UPF3B: variants seen among roughly 807,000 people sequenced by gnomAD.
UPF3B encodes the protein UPF3B regulator of nonsense mediated mRNA decay, also known as regulator of nonsense transcripts 3B.
A neutral mutation model predicts 40.3 loss-of-function variants in UPF3B; 7 were observed. The ratio of observed to expected loss-of-function variants is 0.17; its 90% CI spans 0.10 to 0.33. UPF3B has a LOEUF of 0.33. Ranked by LOEUF, UPF3B falls within the 10% of genes least tolerant of loss-of-function variation. The probability of loss-of-function intolerance (pLI) is 1.00; values close to 1 mark genes in which losing one functional copy is unlikely to be tolerated. For missense variants in UPF3B, 229 were observed against 358.9 expected, an observed-to-expected ratio of 0.64 and a Z score of 2.93; for synonymous variants, 117 against 117.3, an observed-to-expected ratio of 1.00 and a Z score of 0.01.
chrX:119,835,063 T>C (rs912690859), intron 10 of UPF3B, 36 bp from the exon 11 acceptor site: 13 of 1,163,156 alleles, frequency 1.1e-5, no homozygotes, highest in African/African-American at 1.8e-5. Flanking sequence ...ATTACAACAA[T>C]GCTACTAAGC....
intron 6 of UPF3B, among the ~76,000 whole-genome samples, chrX:119,807,139 A>G (rs754361708): frequency 9.0e-6 from 1 of 111,158 alleles, no homozygotes; most frequent in East Asian, 2.8e-4. Context: ...GTCATACGTA[A>G]TGAAGTCCTC....
chrX:119,849,115 T>G (rs2056269775), intron 3 of UPF3B, among the ~76,000 whole-genome samples: 1 of 111,685 alleles, frequency 9.0e-6, no homozygotes, highest in South Asian at 3.7e-4. Flanking sequence ...TAAACAGAAT[T>G]GACCAGAAGG....
chrX:119,845,009 A>T (rs963491546), intron 4 of UPF3B, among the ~76,000 whole-genome samples, 189 bp downstream of exon 4: 3 of 112,709 alleles, frequency 2.7e-5, no homozygotes, highest in African/African-American at 9.7e-5. Flanking sequence ...AAGAGAGCAG[A>T]GATTCTGTGC....
At chrX:119,839,882 T>A (rs1461837082) in intron 8 of UPF3B, among the ~76,000 whole-genome samples, 2 of 111,785 alleles carry the variant, frequency 1.8e-5, no homozygotes, top group African/African-American at 3.2e-5. Context: ...TCTGCCTTGC[T>A]GATTGTTAGG....
At chrX:119,806,653 C>T (rs779094860) in intron 6 of UPF3B, among the ~76,000 whole-genome samples, 9 of 111,299 alleles carry the variant, frequency 8.1e-5, no homozygotes, top group East Asian at 5.6e-4. Flanking sequence ...TTCTATCCTT[C>T]ACTGTACTTA....
intron 5 of UPF3B, among the ~76,000 whole-genome samples, chrX:119,813,475 G>A (rs1187692911): frequency 9.0e-6 from 1 of 111,043 alleles, no homozygotes; most frequent in Non-Finnish European, 1.9e-5. Context: ...GCTCCCTGAG[G>A]CCTCCCAGAA....
At chrX:119,816,745 T>C (rs1397359974) in intron 4 of UPF3B, among the ~76,000 whole-genome samples, 2 of 111,714 alleles carry the variant, frequency 1.8e-5, no homozygotes, top group Non-Finnish European at 3.8e-5. Context: ...GTATTCGTTG[T>C]CTCTTTCTCT....
At chrX:119,835,060 C>A in intron 10 of UPF3B, 33 bp from the exon 11 acceptor site, 1 of 1,188,176 alleles carries the variant, frequency 8.4e-7, no homozygotes, top group South Asian at 1.8e-5. Flanking sequence ...ACCATTACAA[C>A]AATGCTACTA....
intron 9 of UPF3B, 75 bp from the exon 10 acceptor site, chrX:119,838,126 A>T (rs990061282): frequency 1.7e-6 from 2 of 1,160,423 alleles, no homozygotes; most frequent in Non-Finnish European, 2.3e-6. Context: ...TGTGATTCTG[A>T]TTTGGCCCCT....
chrX:119,838,442 T>C lies in UPF3B; in HGVS notation c.932A>G (p.Asp311Gly), dbSNP rs1007550463. ...AKKLDKENLS[D>G]ERASGQSCTL... is the part of the protein sequence containing the mutation. ...ACAACTTTGCCCACTGGCTCTTTCA[T>C]CACTGAGATTCTCTTTGTCCAATTT... The change falls in exon 9 of 11, where the codon GAT becomes GGT. Residue 311 changes from aspartate (D) to glycine (G), a missense_variant. This residue lies in a region of UPF3B where 119 missense variants were observed against 153.8 expected (regional missense o/e 0.77). Transcript: ENST00000276201. 2 of 1,210,294 alleles carry C rather than the reference T, an allele frequency of 1.7e-6. No homozygotes were observed. The highest frequency in any genetic ancestry group is 2.2e-5 in the Admixed American group (1 of 45,759).
intron 5 of UPF3B, 108 bp downstream of exon 5, chrX:119,843,083 G>T: frequency 1.8e-6 from 1 of 558,717 alleles, no homozygotes; most frequent in Non-Finnish European, 3.2e-6. Flanking sequence ...AACAGTCTCA[G>T]AGAAACTAGT....
chrX:119,820,395 C>T (rs966149853), intron 4 of UPF3B, among the ~76,000 whole-genome samples: 5 of 101,937 alleles, frequency 4.9e-5, no homozygotes, highest in Non-Finnish European at 1.0e-4. Flanking sequence ...AGGTGATCCA[C>T]CTACCTCAGC....
intron 4 of UPF3B, among the ~76,000 whole-genome samples, chrX:119,820,133 CCT>C (rs1466233424): frequency 2.7e-5 from 3 of 110,481 alleles, no homozygotes; most frequent in Admixed American, 9.6e-5. Flanking sequence ...GCATGTGCCA[CCT>C]CAATCCCCTG....
At chrX:119,832,762 A>G (rs904610645), downstream of UPF3B, among the ~76,000 whole-genome samples, 1 of 111,957 alleles carries the variant, frequency 8.9e-6, no homozygotes, top group Non-Finnish European at 1.9e-5. Flanking sequence ...GCCATCAAAA[A>G]CATGTAACAT....
chrX:119,820,626 A>ATTTTTT (rs370271993), intron 4 of UPF3B, among the ~76,000 whole-genome samples: 2,766 of 90,078 alleles, frequency 0.031, 156 homozygotes, highest in African/African-American at 0.11. Flanking sequence ...AGCCTGGCCA[A>ATTTTTT]TTTTTTTTTT....
downstream of UPF3B, among the ~76,000 whole-genome samples, chrX:119,832,782 T>A (rs755002332): frequency 1.8e-5 from 2 of 111,827 alleles, no homozygotes; most frequent in African/African-American, 6.5e-5. Context: ...TACAGGACTC[T>A]TTATACCAAC....
At chrX:119,830,741 CAA>C (rs1212201382), downstream of UPF3B, among the ~76,000 whole-genome samples, 18 of 82,569 alleles carry the variant, frequency 2.2e-4, no homozygotes, top group Non-Finnish European at 1.7e-4. Flanking sequence ...TACTGTGTCT[CAA>C]AAAAAAAAAA....
chrX:119,848,902 G>A (rs1363967948), intron 3 of UPF3B, among the ~76,000 whole-genome samples: 2 of 111,505 alleles, frequency 1.8e-5, no homozygotes, highest in Non-Finnish European at 3.8e-5. Flanking sequence ...ACTGATGGTT[G>A]TACTACCTTG....
rs1171050172 is a variant in UPF3B at position 119,843,359 on chromosome X, CAT to C, written c.470-60_470-59del. The C allele has an allele frequency of 3.8e-5, 30 of 799,715 alleles. No homozygotes were observed. The East Asian group carries it at 9.6e-4, about 26-fold the overall frequency. 65.9% of individuals were successfully genotyped at this position (799,715 alleles called of 1,213,427 possible). A position where few individuals can be genotyped will look rare whatever the true frequency, so the allele number is the denominator to read the frequency against. On this transcript the variant is annotated intron_variant, in intron 4 of 10. Transcript: ENST00000276201. The stretch of plus-strand genomic sequence containing the variant: ...ATAGACTTTAAACAAAAAAAGAAGA[CAT>C]TATCTACAATACTGATTTATCAAAG...
Sources: allele counts gnomAD v4.1 joint callset (sites outside exome capture counted in the v4.1 genomes callset), GRCh38; gene constraint gnomAD v4.1.1; regional missense constraint gnomAD v4.1.1; transcripts MANE v1.5; gene names NCBI Gene and HGNC (gene_info 2026-07-23, HGNC 2026-07-21).